NEURL1B: variants seen among roughly 807,000 people sequenced by gnomAD.
NEURL1B encodes neuralized E3 ubiquitin protein ligase 1B.
Under a neutral mutation model 37.4 loss-of-function variants are expected in NEURL1B, and 13 were observed. That is an observed-to-expected ratio of 0.35 (90% confidence interval 0.23 to 0.55). The LOEUF (loss-of-function observed/expected upper bound fraction) is 0.55. Among genes scored for constraint, NEURL1B ranks in the 20% least tolerant of loss-of-function variants. The pLI is 0.89. For synonymous variants in NEURL1B, 432 were observed against 426.6 expected, an observed-to-expected ratio of 1.01 and a Z score of -0.16; for missense variants, 790 against 879.2, an observed-to-expected ratio of 0.90 and a Z score of 1.28.
chr5:172,690,571 C>G lies in NEURL1B; in HGVS notation c.*3646C>G, dbSNP rs536555061. The G allele has an allele frequency of 1.3e-5, 2 of 152,284 alleles. No individual in the cohort carries two copies. Among genetic ancestry groups the G allele is most frequent in the East Asian group, 3.9e-4 (2 of 5,180 alleles). 9.4% of individuals were successfully genotyped at this position (152,284 alleles called of 1,614,324 possible). On this transcript the variant is annotated 3_prime_UTR_variant, in exon 5 of 5. Coordinates refer to ENST00000369800, the MANE Select transcript of NEURL1B (RefSeq NM_001142651.3). ...GAGGATAGAGCAGAGAGGACTGTGC[C>G]CCAGCTGTGATGCTGGCAGAGGTGA...
At chr5:172,648,463 G>A (rs552728085) in intron 1 of NEURL1B, among the ~76,000 whole-genome samples, 32 of 152,238 alleles carry the variant, frequency 2.1e-4, no homozygotes, top group Non-Finnish European at 4.3e-4. Flanking sequence ...GTACGTCCAT[G>A]TCTATCAGGA....
chr5:172,668,771 C>G (rs1343780631), intron 1 of NEURL1B, among the ~76,000 whole-genome samples: 2 of 152,146 alleles, frequency 1.3e-5, no homozygotes, highest in Non-Finnish European at 2.9e-5. Context: ...CCCAGGATCC[C>G]AGAGCCCCCC....
At chr5:172,652,681 AG>A (rs1243436952) in intron 1 of NEURL1B, among the ~76,000 whole-genome samples, 1 of 152,220 alleles carries the variant, frequency 6.6e-6, no homozygotes, top group Non-Finnish European at 1.5e-5. Context: ...ACTAATGCCC[AG>A]TCTGAAGAAA....
At chr5:172,666,649 A>G (rs750101422) in intron 1 of NEURL1B, among the ~76,000 whole-genome samples, 4 of 152,192 alleles carry the variant, frequency 2.6e-5, no homozygotes, top group Non-Finnish European at 5.9e-5. Context: ...AGAGGGATGG[A>G]TACTGGGCAG....
At chr5:172,672,547 C>G (rs1436375926) in intron 2 of NEURL1B, among the ~76,000 whole-genome samples, 1 of 147,082 alleles carries the variant, frequency 6.8e-6, no homozygotes, top group Non-Finnish European at 1.5e-5. Context: ...CTCTCCCCCC[C>G]CCACTCTATT....
chr5:172,656,778 G>C (rs1257799035), intron 1 of NEURL1B: 3 of 704,302 alleles, frequency 4.3e-6, no homozygotes, highest in Non-Finnish European at 5.0e-6. Context: ...TGAACACACT[G>C]ACATATTAAT....
At chr5:172,655,789 T>G (rs1436486366) in intron 1 of NEURL1B, among the ~76,000 whole-genome samples, 1 of 150,972 alleles carries the variant, frequency 6.6e-6, no homozygotes, top group Admixed American at 6.6e-5. Flanking sequence ...ACTGGGTGGG[T>G]CTTGTTTCTA....
intron 1 of NEURL1B, among the ~76,000 whole-genome samples, chr5:172,652,591 AGC>A (rs1757687806): frequency 6.6e-6 from 1 of 152,188 alleles, no homozygotes; most frequent in Admixed American, 6.5e-5. Flanking sequence ...ACGGCATAAA[AGC>A]TCTACATCAG....
intron 1 of NEURL1B, among the ~76,000 whole-genome samples, chr5:172,660,497 C>T (rs115216784): frequency 0.032 from 4,940 of 152,304 alleles, 128 homozygotes; most frequent in Middle Eastern, 0.061. Context: ...GTTACCAGCG[C>T]GGGCTGGCCC....
Position 172,675,697 on chromosome 5 carries a change from C to T in NEURL1B, c.577+5367C>T, listed in dbSNP as rs1758220466. Among the ~76,000 whole-genome samples, 1 of 152,024 alleles carries T rather than the reference C, an allele frequency of 6.6e-6. No homozygotes were observed. The highest frequency in any genetic ancestry group is 2.1e-4 in the South Asian group (1 of 4,826). On this transcript the variant is annotated intron_variant, in intron 2 of 4. Coordinates refer to ENST00000369800, the MANE Select transcript of NEURL1B (RefSeq NM_001142651.3). The surrounding 1 kb of genome is among the most constrained non-coding windows in gnomAD (Gnocchi z 4.7). ...TATCCCTTGTCGGAAATGCTTATGACCAGAAGCATTTCAGATTTTAGACGT... is the reference window on the plus strand; with the variant it reads ...TATCCCTTGTCGGAAATGCTTATGATCAGAAGCATTTCAGATTTTAGACGT...
intron 1 of NEURL1B, among the ~76,000 whole-genome samples, chr5:172,663,294 A>G (rs10035464): frequency 0.81 from 122,567 of 151,754 alleles, 49,976 homozygotes; most frequent in African/African-American, 0.93. Flanking sequence ...AGGCTGAGGC[A>G]GGTGGATCAC....
chr5:172,656,880 G>A (rs1169202975), intron 1 of NEURL1B, among the ~76,000 whole-genome samples: 1 of 152,206 alleles, frequency 6.6e-6, no homozygotes, highest in Non-Finnish European at 1.5e-5. Context: ...TCATGGGGCT[G>A]CGATGATGAA....
chr5:172,649,310 G>A lies in NEURL1B; in HGVS notation c.31+7873G>A, dbSNP rs1213364992. On this transcript the variant is annotated intron_variant, in intron 1 of 4. Transcript: ENST00000369800. ...GGTCTTCCAGGGAATGCCTTCCAGC[G>A]CCCATCTGCCGAACTCCTGCAAAGC... 3.4e-5 allele frequency among the ~76,000 whole-genome samples: 5 copies of A among 145,102 alleles called. No individual in the cohort carries two copies. The South Asian group carries it at 6.7e-4, about 20-fold the overall frequency.
At chr5:172,663,646 C>T (rs1012457532) in intron 1 of NEURL1B, among the ~76,000 whole-genome samples, 5 of 151,696 alleles carry the variant, frequency 3.3e-5, no homozygotes, top group Non-Finnish European at 7.4e-5. Flanking sequence ...CCGCACCTCC[C>T]CCACTTCTTC....
Position 172,677,860 on chromosome 5 carries a change from G to T in NEURL1B, c.578-5559G>T, listed in dbSNP as rs1051164546. On this transcript the variant is annotated intron_variant, in intron 2 of 4. Coordinates refer to ENST00000369800, the MANE Select transcript of NEURL1B (RefSeq NM_001142651.3). ...CAGCCCCCTCACCAGCCACAGTCCT[G>T]TCTCTCTGCCCTCCCTCCCTCAGGG... Among the ~76,000 whole-genome samples the T allele has an allele frequency of 2.0e-5, 3 of 152,262 alleles. No homozygotes were observed. The East Asian group carries it at 5.8e-4, about 29-fold the overall frequency.
intron 1 of NEURL1B, among the ~76,000 whole-genome samples, chr5:172,646,616 G>A (rs1757564867): frequency 6.6e-6 from 1 of 152,170 alleles, no homozygotes. Context: ...TCCTGCAGGG[G>A]AACACAGCCT....
chr5:172,656,696 A>C (rs549232974), intron 1 of NEURL1B: 1 of 1,429,386 alleles, frequency 7.0e-7, no homozygotes, highest in East Asian at 2.3e-5. Context: ...TCTTCTTGCC[A>C]CCTTCGCGGC....
At chr5:172,646,176 C>T (rs942069349) in intron 1 of NEURL1B, among the ~76,000 whole-genome samples, 7 of 152,158 alleles carry the variant, frequency 4.6e-5, no homozygotes, top group Non-Finnish European at 1.0e-4. Flanking sequence ...AGACTCAGAT[C>T]TTAGAGTCAA....
At chr5:172,648,321 C>T (rs118129945) in intron 1 of NEURL1B, among the ~76,000 whole-genome samples, 1 of 152,342 alleles carries the variant, frequency 6.6e-6, no homozygotes, top group East Asian at 1.9e-4. Flanking sequence ...GAGATGAGCC[C>T]CTCCTCCACA....
Sources: allele counts gnomAD v4.1 joint callset (sites outside exome capture counted in the v4.1 genomes callset), GRCh38; gene constraint gnomAD v4.1.1; non-coding constraint Gnocchi (gnomAD v3.1); transcripts MANE v1.5; gene names NCBI Gene and HGNC (gene_info 2026-07-23, HGNC 2026-07-21).